FAM149B1: variants seen among roughly 807,000 people sequenced by gnomAD.
The protein encoded by FAM149B1 is family with sequence similarity 149 member B1, also known as primary cilium assembly protein FAM149B1.
In FAM149B1, 56 loss-of-function variants were observed where a neutral mutation model predicts 75.3. That is an observed-to-expected ratio of 0.74 (90% CI 0.60 to 0.93). The LOEUF (loss-of-function observed/expected upper bound fraction) is 0.93. Among genes scored for constraint, FAM149B1 ranks in the 40% least tolerant of loss-of-function variants. FAM149B1 has a pLI of 0.00. For synonymous variants in FAM149B1, 259 were observed against 256.1 expected (o/e 1.01, Z -0.11); for missense variants, 639 against 708.4 (o/e 0.90, Z 1.11).
chr10:73,177,043 G>C (rs917801260), intron 2 of FAM149B1, among the ~76,000 whole-genome samples: 1 of 150,028 alleles, frequency 6.7e-6, no homozygotes, highest in African/African-American at 2.5e-5. Flanking sequence ...CAAAACAAAA[G>C]TACAAACAAA....
At chr10:73,226,255 C>T (rs1332827820) in intron 7 of FAM149B1, among the ~76,000 whole-genome samples, 3 of 152,010 alleles carry the variant, frequency 2.0e-5, no homozygotes, top group Non-Finnish European at 4.4e-5. Flanking sequence ...ACCTATAATC[C>T]CAGCATTTTG....
chr10:73,232,399 A>G (rs7073209), intron 9 of FAM149B1, among the ~76,000 whole-genome samples: 1 of 152,036 alleles, frequency 6.6e-6, no homozygotes, highest in African/African-American at 2.4e-5. Flanking sequence ...CCCTTTGCCC[A>G]CTCCCAGCTT....
In FAM149B1 at chr10:73,228,129, C is replaced by G. The variant is rs1397377521; in HGVS notation, c.968C>G (p.Pro323Arg). 1 of 1,551,358 alleles carries G rather than the reference C, an allele frequency of 6.4e-7. No individual in the cohort carries two copies. ...TCCTGTGTGCTGAGTGAACTACATC[C>G]TTTGGTGTTACCGCGAGTGCCACAG... ...ESSCVLSELH[P>R]LVLPRVPQSK... is the part of the protein sequence containing the mutation. Residue 323 changes from proline to arginine, a missense_variant, in exon 8 of 14, where the codon CCT becomes CGT. Pro to Arg is a moderately radical substitution (Grantham distance 103, BLOSUM62 -2). Coordinates refer to ENST00000242505, the MANE Select transcript of FAM149B1 (RefSeq NM_173348.2).
At chr10:73,175,620 A>C (rs1423988802) in intron 2 of FAM149B1, among the ~76,000 whole-genome samples, 3 of 150,396 alleles carry the variant, frequency 2.0e-5, no homozygotes, top group African/African-American at 7.3e-5. Context: ...CAGTGAGCCA[A>C]GATCACACCA....
At chr10:73,169,306 CAA>C (rs1023302256) in intron 1 of FAM149B1, among the ~76,000 whole-genome samples, 4 of 151,822 alleles carry the variant, frequency 2.6e-5, no homozygotes, top group Non-Finnish European at 5.9e-5. Flanking sequence ...GTCTGGGTGA[CAA>C]GAGTGAAACT....
At chr10:73,197,291 C>T (rs1390622533) in intron 5 of FAM149B1, among the ~76,000 whole-genome samples, 4 of 152,196 alleles carry the variant, frequency 2.6e-5, no homozygotes, top group Admixed American at 2.6e-4. Flanking sequence ...GCATGATCTG[C>T]CATGCCTGGC....
intron 1 of FAM149B1, among the ~76,000 whole-genome samples, chr10:73,174,446 ATAT>A (rs1843851877): frequency 6.6e-6 from 1 of 152,336 alleles, no homozygotes; most frequent in East Asian, 1.9e-4. Flanking sequence ...TATATCCAAA[ATAT>A]TATCATTTTA....
intron 8 of FAM149B1, among the ~76,000 whole-genome samples, chr10:73,228,407 T>G (rs187992430): frequency 1.3e-5 from 2 of 152,318 alleles, no homozygotes; most frequent in East Asian, 3.9e-4. Flanking sequence ...TAAGGAGGCA[T>G]CTGTAAGTTG....
rs1463541913 is a variant in FAM149B1, at chr10:73,241,172, C to T, written c.*153C>T. 5 of 609,790 alleles carry T rather than the reference C, an allele frequency of 8.2e-6. No individual in the cohort carries two copies. 37.8% of individuals were successfully genotyped at this position (609,790 alleles called of 1,614,324 possible). Reference sequence around the variant, plus strand: ...GCACAAGTGACCGAAGAACAAAACACCATAGCAGCCAAAAATGACATGAGT... The same window carrying T: ...GCACAAGTGACCGAAGAACAAAACATCATAGCAGCCAAAAATGACATGAGT... On this transcript the variant is annotated 3_prime_UTR_variant, in exon 14 of 14. Transcript: ENST00000242505.
chr10:73,189,829 C>CAT (rs1430275725), intron 3 of FAM149B1, among the ~76,000 whole-genome samples: 2 of 152,194 alleles, frequency 1.3e-5, no homozygotes, highest in Admixed American at 6.5e-5. Context: ...TTGCTGTACA[C>CAT]TTAAATGTGC....
At chr10:73,233,252 A>T in intron 10 of FAM149B1, 89 bp downstream of exon 10, 1 of 944,228 alleles carries the variant, frequency 1.1e-6, no homozygotes, top group Non-Finnish European at 1.6e-6. Context: ...ACTGAAATCT[A>T]TGCCTAGAAA....
In FAM149B1 at chr10:73,168,219, C is replaced by A. The variant is rs543396545; in HGVS notation, c.-121C>A. The A allele has an allele frequency of 1.8e-4, 189 of 1,051,282 alleles. No individual in the cohort carries two copies. The African/African-American group carries it at 3.0e-3, about 17-fold the overall frequency. 65.1% of individuals were successfully genotyped at this position (1,051,282 alleles called of 1,614,324 possible). A position where few individuals can be genotyped will look rare whatever the true frequency, so the allele number is the denominator to read the frequency against. ...GTCTAGGTGACGGGGCGAGACGGGG[C>A]CGGTAGGTGGCGGGAGGGGCCGGGC... On this transcript the variant is annotated 5_prime_UTR_variant, in exon 1 of 14. Coordinates refer to ENST00000242505, the MANE Select transcript of FAM149B1 (RefSeq NM_173348.2).
At chr10:73,224,796 A>T (rs919061493) in intron 7 of FAM149B1, among the ~76,000 whole-genome samples, 1 of 152,150 alleles carries the variant, frequency 6.6e-6, no homozygotes, top group Non-Finnish European at 1.5e-5. Flanking sequence ...AAAAACAGGC[A>T]GTAGTAACAG....
chr10:73,192,333 C>A, intron 3 of FAM149B1: 1 of 422,914 alleles, frequency 2.4e-6, no homozygotes, highest in Non-Finnish European at 4.2e-6. Flanking sequence ...GCCTAAAAAA[C>A]AGACATTTAT....
chr10:73,190,365 G>T (rs900184652), intron 3 of FAM149B1, among the ~76,000 whole-genome samples: 7 of 151,584 alleles, frequency 4.6e-5, no homozygotes, highest in African/African-American at 1.2e-4. Flanking sequence ...AGCCACAAGT[G>T]CCACCATGGT....
chr10:73,195,512 G>A (rs948212622), intron 5 of FAM149B1, among the ~76,000 whole-genome samples: 3 of 152,122 alleles, frequency 2.0e-5, no homozygotes, highest in Non-Finnish European at 4.4e-5. Flanking sequence ...CTCATATTCT[G>A]TTATTAGGAT....
chr10:73,202,727 G>A (rs573053796), intron 5 of FAM149B1, among the ~76,000 whole-genome samples: 5 of 137,084 alleles, frequency 3.6e-5, no homozygotes, highest in African/African-American at 1.1e-4. Context: ...GCCTCGCTTT[G>A]TCACCCAGAC....
intron 3 of FAM149B1, among the ~76,000 whole-genome samples, chr10:73,179,445 T>G (rs190884693): frequency 2.6e-4 from 40 of 151,844 alleles, no homozygotes; most frequent in Non-Finnish European, 4.4e-5. Context: ...TTCTTTCTTC[T>G]TTCTCTGTCA....
intron 5 of FAM149B1, among the ~76,000 whole-genome samples, chr10:73,194,855 T>C (rs931201649): frequency 2.0e-5 from 3 of 151,688 alleles, no homozygotes; most frequent in Admixed American, 1.3e-4. Context: ...GGCTAATTTT[T>C]GTATTTTTAG....
Sources: allele counts gnomAD v4.1 joint callset (sites outside exome capture counted in the v4.1 genomes callset), GRCh38; gene constraint gnomAD v4.1.1; transcripts MANE v1.5; gene names NCBI Gene and HGNC (gene_info 2026-07-23, HGNC 2026-07-21).